The following FBN2 variants were observed in gnomAD, a reference collection of about 807,000 sequenced individuals.
FBN2 encodes the protein fibrillin-2.
FBN2 carries 105 observed loss-of-function variants against 355.6 expected under a neutral mutation model. The observed-to-expected ratio is 0.30, with a 90% CI of 0.25 to 0.35. FBN2 has a LOEUF of 0.35. Among genes scored for constraint, FBN2 ranks in the 10% least tolerant of loss-of-function variants. The pLI, the probability that FBN2 is intolerant of heterozygous loss-of-function variation, is 1.00. For missense variants in FBN2, 3,280 were observed against 3,758.7 expected (o/e 0.87, Z 3.33); for synonymous variants, 1,350 against 1,301.2 (o/e 1.04, Z -0.81).
At chr5:128,449,539 C>G (rs1290342703) in intron 6 of FBN2, among the ~76,000 whole-genome samples, 1 of 149,512 alleles carries the variant, frequency 6.7e-6, no homozygotes, top group Non-Finnish European at 1.5e-5. Flanking sequence ...CGTATAAACA[C>G]TAAAAAATAA....
intron 27 of FBN2, among the ~76,000 whole-genome samples, chr5:128,337,631 T>G (rs543663355): frequency 6.6e-6 from 1 of 152,350 alleles, no homozygotes; most frequent in African/African-American, 2.4e-5. Context: ...CACAGGGGCG[T>G]AGAGCGGAGT....
chr5:128,495,681 AG>A (rs1450252596), intron 5 of FBN2, among the ~76,000 whole-genome samples: 2 of 152,120 alleles, frequency 1.3e-5, no homozygotes, highest in Non-Finnish European at 2.9e-5. Flanking sequence ...AAAATAGAAA[AG>A]TAAGAGAAAA....
intron 5 of FBN2, among the ~76,000 whole-genome samples, chr5:128,489,728 C>T (rs995498889): frequency 6.6e-6 from 1 of 152,000 alleles, no homozygotes; most frequent in Non-Finnish European, 1.5e-5. Flanking sequence ...AATTATTATA[C>T]TCAATTGACC....
chr5:128,400,528 T>C (rs1752769906), intron 8 of FBN2, among the ~76,000 whole-genome samples: 1 of 152,178 alleles, frequency 6.6e-6, no homozygotes, highest in African/African-American at 2.4e-5. Context: ...CTAATGGATA[T>C]ATCTACAATC....
At chr5:128,312,834 A>C in intron 36 of FBN2, 39 bp from the exon 37 acceptor site, 1 of 1,605,210 alleles carries the variant, frequency 6.2e-7, no homozygotes, top group African/African-American at 1.3e-5. Context: ...GCCCTTGCTT[A>C]CATAGTAAGG....
At chr5:128,261,556 T>G (rs1764964892) in intron 64 of FBN2, among the ~76,000 whole-genome samples, 180 bp downstream of exon 64, 1 of 152,242 alleles carries the variant, frequency 6.6e-6, no homozygotes, top group African/African-American at 2.4e-5. Context: ...AGCTTTGTGT[T>G]TTGATCTAAT....
At chr5:128,374,134 A>G (rs1429934717) in intron 15 of FBN2, among the ~76,000 whole-genome samples, 2 of 152,086 alleles carry the variant, frequency 1.3e-5, no homozygotes, top group African/African-American at 2.4e-5. Context: ...CTTCTCCAGC[A>G]TGTCATCAGA....
intron 5 of FBN2, among the ~76,000 whole-genome samples, chr5:128,480,698 C>T (rs1349264513): frequency 1.3e-5 from 2 of 152,130 alleles, no homozygotes; most frequent in Non-Finnish European, 2.9e-5. Flanking sequence ...TGTCGCCAGC[C>T]TGGGCGACAG....
At chr5:128,420,977 A>G (rs960966319) in intron 7 of FBN2, among the ~76,000 whole-genome samples, 1 of 152,242 alleles carries the variant, frequency 6.6e-6, no homozygotes, top group African/African-American at 2.4e-5. Context: ...AGGCCCCTAA[A>G]GAATGGGGTG....
rs1561455185 is a variant in FBN2, at chr5:128,434,422, A to ATATATATATATATATATATATATATATG, written c.952+12058_952+12059insCATATATATATATATATATATATATATA. 4.7e-4 allele frequency among the ~76,000 whole-genome samples: 62 copies of ATATATATATATATATATATATATATATG among 132,686 alleles called. 1 individual carries two copies. Among genetic ancestry groups the ATATATATATATATATATATATATATATG allele is most frequent in the African/African-American group, 2.0e-3 (60 of 30,438 alleles). The allele number at this position is 132,686 out of a possible 152,430, so 87.0% of individuals were successfully genotyped here. A position where few individuals can be genotyped will look rare whatever the true frequency, so the allele number is the denominator to read the frequency against. ...TATATATATATATATATATATATAT[A>ATATATATATATATATATATATATATATG]TATGGGCAGTAAGTGACAGCACTGG... is the stretch of plus-strand genomic sequence containing the variant. On this transcript the variant is annotated intron_variant, in intron 7 of 64. Transcript: ENST00000262464.
intron 34 of FBN2, among the ~76,000 whole-genome samples, chr5:128,324,920 T>C (rs908521631): frequency 6.6e-6 from 1 of 152,150 alleles, no homozygotes; most frequent in East Asian, 1.9e-4. Flanking sequence ...CGCTCGGCCA[T>C]GAGTGAGTTT....
intron 6 of FBN2, 49 bp downstream of exon 6, chr5:128,464,668 ACAAAAAG>A: frequency 6.3e-7 from 1 of 1,583,616 alleles, no homozygotes; most frequent in East Asian, 2.2e-5. Flanking sequence ...TCCAACTCCA[ACAAAAAG>A]AGAAGTGGCA....
intron 36 of FBN2, among the ~76,000 whole-genome samples, chr5:128,313,681 G>A (rs962973985): frequency 2.0e-5 from 3 of 151,318 alleles, no homozygotes; most frequent in Non-Finnish European, 1.5e-5. Context: ...GTGAAAACCC[G>A]TCTCTACTAA....
At chr5:128,532,332 G>A (rs985629240) in intron 2 of FBN2, among the ~76,000 whole-genome samples, 1 of 152,158 alleles carries the variant, frequency 6.6e-6, no homozygotes, top group Non-Finnish European at 1.5e-5. Context: ...TGAACAGAAA[G>A]GTATGAGGGT....
intron 11 of FBN2, among the ~76,000 whole-genome samples, chr5:128,384,353 T>C (rs930712303): frequency 1.3e-5 from 2 of 151,976 alleles, no homozygotes; most frequent in Admixed American, 6.6e-5. Context: ...CTTATGAGGG[T>C]GATGGATATG....
chr5:128,402,732 G>A (rs1316031047), intron 8 of FBN2, among the ~76,000 whole-genome samples: 3 of 152,208 alleles, frequency 2.0e-5, no homozygotes, highest in Non-Finnish European at 4.4e-5. Context: ...TCGGTAAATA[G>A]CAGCCATTGT....
chr5:128,295,843 G>C lies in FBN2; in HGVS notation c.6167-4189C>G, dbSNP rs760575966. On this transcript the variant is annotated intron_variant, in intron 48 of 64. Coordinates refer to ENST00000262464, the MANE Select transcript of FBN2 (RefSeq NM_001999.4). ...TACCCTTTATTTCCTTCTCCTGCCTGATTGCCCTGGCCAGAACTTCCAACA... is the reference window on the plus strand; with the variant it reads ...TACCCTTTATTTCCTTCTCCTGCCTCATTGCCCTGGCCAGAACTTCCAACA... 4.0e-3 allele frequency among the ~76,000 whole-genome samples: 556 copies of C among 137,758 alleles called. 1 individual carries two copies. The highest frequency in any genetic ancestry group is 6.1e-3 in the Non-Finnish European group (396 of 65,100). The allele number at this position is 137,758 out of a possible 152,430, so 90.4% of individuals were successfully genotyped here. A position where few individuals can be genotyped will look rare whatever the true frequency, so the allele number is the denominator to read the frequency against.
chr5:128,278,135 CACCTGTTCATCATTCAGGTGA>C, intron 57 of FBN2, 130 bp from the exon 58 acceptor site: 1 of 888,372 alleles, frequency 1.1e-6, no homozygotes, highest in Non-Finnish European at 1.8e-6. Context: ...AGCACTGGAG[CACCTGTTCATCATTCAGGTGA>C]ACAGCAACAT....
chr5:128,442,810 T>C (rs1753957860), intron 7 of FBN2, among the ~76,000 whole-genome samples: 1 of 152,062 alleles, frequency 6.6e-6, no homozygotes, highest in Non-Finnish European at 1.5e-5. Context: ...GAGAAATATG[T>C]ATTTCTTTCT....
Sources: gnomAD v4.1 joint callset for allele counts (sites outside exome capture counted in the v4.1 genomes callset) on GRCh38, gnomAD v4.1.1 for gene constraint, MANE v1.5 for transcripts, NCBI Gene and HGNC (gene_info 2026-07-23, HGNC 2026-07-21) for gene names.